APBA1: variants seen among roughly 807,000 people sequenced by gnomAD.
The protein encoded by APBA1 is amyloid-beta A4 precursor protein-binding family A member 1.
A neutral mutation model predicts 86.6 loss-of-function variants in APBA1; 55 were observed. The observed-to-expected ratio is 0.64, with a 90% CI of 0.51 to 0.80. The LOEUF (loss-of-function observed/expected upper bound fraction) is 0.80. APBA1 is among the 30% of genes least tolerant of loss of function. The pLI is 0.00. For synonymous variants in APBA1, 511 were observed against 493.9 expected, an observed-to-expected ratio of 1.03 and a Z score of -0.46; for missense variants, 1,090 against 1,183.0, an observed-to-expected ratio of 0.92 and a Z score of 1.15.
chr9:69,611,841 G>A (rs1822595849), intron 1 of APBA1, among the ~76,000 whole-genome samples: 1 of 152,160 alleles, frequency 6.6e-6, no homozygotes, highest in African/African-American at 2.4e-5. Context: ...ATTCTATTCA[G>A]ATTGGCTTAA....
chr9:69,505,576 C>T (rs1440030704), intron 2 of APBA1, among the ~76,000 whole-genome samples: 1 of 152,142 alleles, frequency 6.6e-6, no homozygotes. Flanking sequence ...AACGCCATTT[C>T]AAGCTGTACA....
At chr9:69,530,387 T>C (rs559307010) in intron 1 of APBA1, among the ~76,000 whole-genome samples, 1 of 149,670 alleles carries the variant, frequency 6.7e-6, no homozygotes, top group African/African-American at 2.5e-5. Context: ...TATGCAGCCA[T>C]AAAAAAGAAT....
At chr9:69,513,740 C>T (rs1054209581) in intron 2 of APBA1, among the ~76,000 whole-genome samples, 5 of 152,198 alleles carry the variant, frequency 3.3e-5, no homozygotes, top group East Asian at 1.9e-4. Flanking sequence ...CTTTCCTAAT[C>T]GGCTAACAGA....
Position 69,643,430 on chromosome 9 carries a change from T to C in APBA1, c.-70+28723A>G, listed in dbSNP as rs541578878. Among the ~76,000 whole-genome samples, 7 of 152,292 alleles carry C rather than the reference T, an allele frequency of 4.6e-5. No homozygotes were observed. In the South Asian group the frequency reaches 1.0e-3, roughly 23 times the overall value. Reference sequence around the variant, plus strand: ...TGCTAACAAGGACATGGATAATATATAGAATTCAAGAGCATGAAGTGTAGC... The same window carrying C: ...TGCTAACAAGGACATGGATAATATACAGAATTCAAGAGCATGAAGTGTAGC... On this transcript the variant is annotated intron_variant, in intron 1 of 12. Transcript: ENST00000265381.
chr9:69,604,912 A>T (rs1194737633), intron 1 of APBA1, among the ~76,000 whole-genome samples: 1 of 139,242 alleles, frequency 7.2e-6, no homozygotes, highest in African/African-American at 2.7e-5. Flanking sequence ...GCACACGGGT[A>T]TGGGCACACA....
At chr9:69,528,839 C>A (rs1836382080) in intron 1 of APBA1, among the ~76,000 whole-genome samples, 1 of 151,976 alleles carries the variant, frequency 6.6e-6, no homozygotes, top group Admixed American at 6.6e-5. Flanking sequence ...TTTTCAGAGG[C>A]TCATTAATTC....
intron 1 of APBA1, among the ~76,000 whole-genome samples, chr9:69,636,834 AGG>A (rs1564098826): frequency 5.0e-4 from 4 of 8,022 alleles, no homozygotes; most frequent in African/African-American, 1.2e-3. Flanking sequence ...AGAGAGAGGG[AGG>A]GAGGGAGGGA....
chr9:69,629,787 C>T (rs750255613), intron 1 of APBA1, among the ~76,000 whole-genome samples: 2 of 152,162 alleles, frequency 1.3e-5, no homozygotes, highest in African/African-American at 4.8e-5. Flanking sequence ...TTTCCCTGCT[C>T]GCATTCTGTT....
At chr9:69,636,828 A>AGGGAGG (rs1452460180) in intron 1 of APBA1, among the ~76,000 whole-genome samples, 141 of 7,124 alleles carry the variant, frequency 0.02, 25 homozygotes, top group South Asian at 0.057. Flanking sequence ...AGAGAGAGAG[A>AGGGAGG]GAGGGAGGGA....
chr9:69,467,823 C>T lies in APBA1; in HGVS notation c.1482G>A (p.Lys494=), dbSNP rs769342908. 6.2e-7 allele frequency: 1 copy of T among 1,614,188 alleles called. No individual in the cohort carries two copies. The highest frequency in any genetic ancestry group is 1.1e-5 in the South Asian group (1 of 91,076). ...MQAQEAVSRI[K]MAQKLAKSRK... is the part of the protein sequence containing the mutation. ...TGTTGGAGCACCCAGATGTCCTCAC[C>T]TTGATCCTGCTTACGGCTTCCTGGG... The change falls in exon 5 of 13, where the codon AAG becomes AAA. Residue 494 remains lysine, a splice_region_variant and synonymous_variant. Coordinates refer to ENST00000265381, the MANE Select transcript of APBA1 (RefSeq NM_001163.4).
At chr9:69,618,743 G>C (rs1822757131) in intron 1 of APBA1, among the ~76,000 whole-genome samples, 1 of 152,158 alleles carries the variant, frequency 6.6e-6, no homozygotes, top group Non-Finnish European at 1.5e-5. Context: ...AGAGGTGAGG[G>C]CTCAAGATTT....
At chr9:69,587,332 T>C (rs761350844) in intron 1 of APBA1, among the ~76,000 whole-genome samples, 17 of 152,316 alleles carry the variant, frequency 1.1e-4, no homozygotes, top group Non-Finnish European at 2.5e-4. Flanking sequence ...AAGAGCCTCA[T>C]TGTTTATTTG....
At chr9:69,626,012 C>T (rs1439286703) in intron 1 of APBA1, among the ~76,000 whole-genome samples, 1 of 152,198 alleles carries the variant, frequency 6.6e-6, no homozygotes, top group African/African-American at 2.4e-5. Flanking sequence ...CAAACATTAA[C>T]TACCATTTAA....
At chr9:69,524,921 T>C (rs1836318639) in intron 1 of APBA1, among the ~76,000 whole-genome samples, 1 of 152,210 alleles carries the variant, frequency 6.6e-6, no homozygotes, top group Non-Finnish European at 1.5e-5. Flanking sequence ...CAAGGTTGGT[T>C]CAACATATGC....
In APBA1 at chr9:69,429,452, C is replaced by G. The variant is rs553477769; in HGVS notation, c.*1875G>C. ...CCAGAGCCCCTGGCCCCACCGGGTGCCACTCTCTGCAGCAGCAGAAGTCCC... is the reference window on the plus strand; with the variant it reads ...CCAGAGCCCCTGGCCCCACCGGGTGGCACTCTCTGCAGCAGCAGAAGTCCC... On this transcript the variant is annotated 3_prime_UTR_variant, in exon 13 of 13. Coordinates refer to ENST00000265381, the MANE Select transcript of APBA1 (RefSeq NM_001163.4). 1.6e-4 allele frequency: 24 copies of G among 152,386 alleles called. No individual in the cohort carries two copies. The highest frequency in any genetic ancestry group is 5.5e-4 in the African/African-American group (23 of 41,578). 9.4% of individuals were successfully genotyped at this position (152,386 alleles called of 1,614,324 possible). A position where few individuals can be genotyped will look rare whatever the true frequency, so the allele number is the denominator to read the frequency against.
intron 11 of APBA1, among the ~76,000 whole-genome samples, chr9:69,440,046 C>A (rs969817307): frequency 6.6e-6 from 1 of 152,220 alleles, no homozygotes; most frequent in Non-Finnish European, 1.5e-5. Context: ...ACTGGAGGTC[C>A]ACTCCAGACC....
At chr9:69,462,434 T>G (rs1039908224) in intron 5 of APBA1, 4 of 152,178 alleles carry the variant, frequency 2.6e-5, no homozygotes, top group Admixed American at 6.5e-5. Flanking sequence ...CTACGGCACA[T>G]TAAAGACTGA....
chr9:69,555,669 G>A (rs1836849482), intron 1 of APBA1, among the ~76,000 whole-genome samples: 1 of 152,074 alleles, frequency 6.6e-6, no homozygotes, highest in Non-Finnish European at 1.5e-5. Flanking sequence ...AATATTTAAT[G>A]CCTTTTTAAA....
intron 1 of APBA1, among the ~76,000 whole-genome samples, chr9:69,528,498 C>G (rs904277952): frequency 6.6e-6 from 1 of 152,008 alleles, no homozygotes; most frequent in Non-Finnish European, 1.5e-5. Flanking sequence ...AAGAGACAGT[C>G]TCTGGAAATT....
Sources: allele counts gnomAD v4.1 joint callset (sites outside exome capture counted in the v4.1 genomes callset), GRCh38; gene constraint gnomAD v4.1.1; transcripts MANE v1.5; gene names NCBI Gene and HGNC (gene_info 2026-07-23, HGNC 2026-07-21).